Variants in SASH1 observed in about 807,000 individuals in gnomAD.
The protein encoded by SASH1 is SAM and SH3 domain containing 1.
A neutral mutation model predicts 125.2 loss-of-function variants in SASH1; 44 were observed. That is an observed-to-expected ratio of 0.35 (90% confidence interval 0.28 to 0.45). The LOEUF is 0.45. Among genes scored for constraint, SASH1 ranks in the 20% least tolerant of loss-of-function variants. The probability of loss-of-function intolerance (pLI) is 1.00; values close to 1 mark genes in which losing one functional copy is unlikely to be tolerated. For missense variants in SASH1, 1,426 were observed against 1,614.5 expected, an observed-to-expected ratio of 0.88 and a Z score of 2.00; for synonymous variants, 639 against 649.1, an observed-to-expected ratio of 0.98 and a Z score of 0.24.
intron 4 of SASH1, among the ~76,000 whole-genome samples, chr6:148,445,408 T>C (rs970976686): frequency 2.0e-5 from 3 of 152,182 alleles, no homozygotes; most frequent in African/African-American, 7.2e-5. Flanking sequence ...ATTAACTAAT[T>C]TTCTATTACC....
intron 1 of SASH1, among the ~76,000 whole-genome samples, chr6:148,327,837 A>C (rs1229967474): frequency 1.3e-5 from 2 of 150,584 alleles, no homozygotes; most frequent in Non-Finnish European, 3.0e-5. Flanking sequence ...GCTACTCTGG[A>C]GGCTGAAACA....
At chr6:148,210,044 C>G in the SASH1 span, among the ~76,000 whole-genome samples, 18 of 152,144 alleles carry the variant, frequency 1.2e-4, no homozygotes, top group African/African-American at 4.3e-4. Context: ...TATGGCTTGA[C>G]CACATATTGA....
At chr6:148,423,104 A>T (rs1775644265) in intron 2 of SASH1, among the ~76,000 whole-genome samples, 2 of 151,824 alleles carry the variant, frequency 1.3e-5, no homozygotes, top group Admixed American at 1.3e-4. Context: ...ACGCCCAGCT[A>T]ATTTTTGTAT....
chr6:148,240,068 A>G, the SASH1 span: 1 of 152,256 alleles, frequency 6.6e-6, no homozygotes, highest in Non-Finnish European at 1.5e-5. Flanking sequence ...TGTCCTGTAA[A>G]AAAATGCAGT....
upstream of SASH1, among the ~76,000 whole-genome samples, chr6:148,341,025 C>T (rs1781303661): frequency 6.6e-6 from 1 of 152,116 alleles, no homozygotes; most frequent in African/African-American, 2.4e-5. Flanking sequence ...GTCCCTGCTA[C>T]TCAGGTGGTT....
At chr6:148,430,155 A>C (rs937951839) in intron 2 of SASH1, among the ~76,000 whole-genome samples, 2 of 152,202 alleles carry the variant, frequency 1.3e-5, no homozygotes, top group African/African-American at 4.8e-5. Flanking sequence ...AGAAAGGAGA[A>C]GCACTCTAGG....
chr6:148,193,623 A>G, the SASH1 span, among the ~76,000 whole-genome samples: 7 of 152,194 alleles, frequency 4.6e-5, no homozygotes, highest in Non-Finnish European at 1.0e-4. Flanking sequence ...GAGCAAACTA[A>G]TGGTAAGTTG....
In SASH1 at chr6:148,374,710, G is replaced by A. The variant is rs73009526; in HGVS notation, c.157-15424G>A. Among the ~76,000 whole-genome samples, 19 of 151,384 alleles carry A rather than the reference G, an allele frequency of 1.3e-4. No individual in the cohort carries two copies. In the East Asian group the frequency reaches 3.0e-3, roughly 24 times the overall value. On this transcript the variant is annotated intron_variant, in intron 1 of 19. Coordinates refer to ENST00000367467, the MANE Select transcript of SASH1 (RefSeq NM_015278.5). ...AGGTTTACAGCATTTTTTTTGGGGG[G>A]GGGGGAGATGGAGTCTCACTCTTGT...
At chr6:148,355,693 G>T (rs536278268) in intron 1 of SASH1, among the ~76,000 whole-genome samples, 1 of 152,100 alleles carries the variant, frequency 6.6e-6, no homozygotes, top group East Asian at 1.9e-4. Flanking sequence ...GAGGGGAGAC[G>T]AATAGAATGA....
chr6:148,384,460 T>C (rs1783277866), intron 1 of SASH1, among the ~76,000 whole-genome samples: 1 of 152,234 alleles, frequency 6.6e-6, no homozygotes. Flanking sequence ...TTAAGTCTTA[T>C]TATAGTTACA....
At chr6:148,399,399 T>C (rs1367630156) in intron 2 of SASH1, among the ~76,000 whole-genome samples, 1 of 151,904 alleles carries the variant, frequency 6.6e-6, no homozygotes. Context: ...CTAATTTTTG[T>C]ATTTTTAGTA....
upstream of SASH1, among the ~76,000 whole-genome samples, chr6:148,339,016 A>AAG (rs1432152883): frequency 6.6e-6 from 1 of 150,582 alleles, no homozygotes; most frequent in Admixed American, 6.6e-5. Context: ...AAAAAAAAAA[A>AAG]AAAAAAAAGA....
At chr6:148,333,013 A>C (rs1470684694) in intron 1 of SASH1, among the ~76,000 whole-genome samples, 1 of 152,026 alleles carries the variant, frequency 6.6e-6, no homozygotes, top group Non-Finnish European at 1.5e-5. Flanking sequence ...AATAAAAATA[A>C]AAACAATCTG....
At chr6:148,197,084 C>T in the SASH1 span, among the ~76,000 whole-genome samples, 3 of 152,042 alleles carry the variant, frequency 2.0e-5, no homozygotes, top group Non-Finnish European at 2.9e-5. Flanking sequence ...ACATGGGAGT[C>T]GTGGAAGGAG....
At chr6:148,251,731 G>A in the SASH1 span, among the ~76,000 whole-genome samples, 1 of 151,192 alleles carries the variant, frequency 6.6e-6, no homozygotes, top group African/African-American at 2.4e-5. Flanking sequence ...TGTGCACAAT[G>A]TGCAGGTTAG....
intron 2 of SASH1, among the ~76,000 whole-genome samples, chr6:148,398,711 CA>C (rs1157821444): frequency 6.6e-6 from 1 of 152,298 alleles, no homozygotes; most frequent in South Asian, 2.1e-4. Flanking sequence ...TCTTCACTTA[CA>C]TTATTTGCTA....
upstream of SASH1, among the ~76,000 whole-genome samples, chr6:148,267,581 T>C (rs1386433169): frequency 6.6e-6 from 1 of 152,070 alleles, no homozygotes; most frequent in Non-Finnish European, 1.5e-5. Flanking sequence ...GGTTTCACCG[T>C]GTTAGCCAGG....
At chr6:148,516,119 G>A (rs1181437236) in intron 9 of SASH1, among the ~76,000 whole-genome samples, 1 of 152,208 alleles carries the variant, frequency 6.6e-6, no homozygotes, top group South Asian at 2.1e-4. Context: ...TAACTCTAAC[G>A]TAAAAAGTAA....
intron 8 of SASH1, among the ~76,000 whole-genome samples, chr6:148,492,856 A>T (rs796637698): frequency 1.3e-5 from 2 of 151,704 alleles, no homozygotes; most frequent in Admixed American, 1.3e-4. Context: ...AAATAAATAA[A>T]TAAATAAATA....
Sources: allele counts gnomAD v4.1 joint callset (sites outside exome capture counted in the v4.1 genomes callset), GRCh38; gene constraint gnomAD v4.1.1; transcripts MANE v1.5; gene names NCBI Gene and HGNC (gene_info 2026-07-23, HGNC 2026-07-21).